The following NUBPL variants were observed in gnomAD, a reference collection of about 807,000 sequenced individuals.
NUBPL encodes the protein iron-sulfur cluster transfer protein NUBPL.
A neutral mutation model predicts 45.7 loss-of-function variants in NUBPL; 31 were observed. The observed-to-expected ratio is 0.68, with a 90% CI of 0.51 to 0.92. The LOEUF is 0.92. Ranked by LOEUF, NUBPL falls within the 40% of genes least tolerant of loss-of-function variation. The probability of loss-of-function intolerance (pLI) is 0.00; values close to 1 mark genes in which losing one functional copy is unlikely to be tolerated. For missense variants in NUBPL, 401 were observed against 398.7 expected (o/e 1.01, Z -0.05); for synonymous variants, 144 against 140.9 (o/e 1.02, Z -0.15).
intron 3 of NUBPL, among the ~76,000 whole-genome samples, chr14:31,571,787 T>A (rs1330630903): frequency 2.6e-5 from 4 of 152,148 alleles, no homozygotes; most frequent in Non-Finnish European, 5.9e-5. Context: ...AGTAACACTG[T>A]TGATTTGTAT....
intron 6 of NUBPL, among the ~76,000 whole-genome samples, chr14:31,734,859 A>G (rs936706783): frequency 9.2e-5 from 14 of 152,198 alleles, no homozygotes; most frequent in Non-Finnish European, 1.6e-4. Context: ...TGAATCCTGT[A>G]TGGTCTTTGT....
At chr14:31,561,765 C>T in intron 1 of NUBPL, 1 of 580,384 alleles carries the variant, frequency 1.7e-6, no homozygotes, top group Non-Finnish European at 3.0e-6. Context: ...GCTTTCTTGG[C>T]TTTGGGTTAT....
chr14:31,677,828 C>T lies in NUBPL; in HGVS notation c.513+4254C>T, dbSNP rs919890726. Among the ~76,000 whole-genome samples the T allele has an allele frequency of 3.3e-5, 5 of 152,296 alleles. No individual in the cohort carries two copies. The South Asian group carries it at 1.0e-3, about 32-fold the overall frequency. On this transcript the variant is annotated intron_variant, in intron 6 of 10. Transcript: ENST00000281081. ...GGCTACTGACTATGTTTGCTCAAGG[C>T]CCTGTAGCTGTACGATCAGCAGGTG...
At chr14:31,809,935 G>C (rs2039767455) in intron 7 of NUBPL, among the ~76,000 whole-genome samples, 1 of 152,200 alleles carries the variant, frequency 6.6e-6, no homozygotes, top group Non-Finnish European at 1.5e-5. Flanking sequence ...TTTTGAGTGA[G>C]TTTCTTAATC....
chr14:31,718,936 C>T (rs898082341), intron 6 of NUBPL, among the ~76,000 whole-genome samples: 1 of 152,094 alleles, frequency 6.6e-6, no homozygotes, highest in Non-Finnish European at 1.5e-5. Context: ...AGAGATGCAT[C>T]TCAATTTATG....
chr14:31,638,456 C>T (rs1028233162), intron 4 of NUBPL, among the ~76,000 whole-genome samples: 19 of 151,874 alleles, frequency 1.3e-4, no homozygotes, highest in African/African-American at 4.6e-4. Flanking sequence ...GCCGAGAGAT[C>T]CGCTGTTAGT....
chr14:31,845,872 C>G (rs1016204533), intron 8 of NUBPL: 4 of 153,512 alleles, frequency 2.6e-5, no homozygotes, highest in African/African-American at 7.2e-5. Flanking sequence ...AAATTGTCAT[C>G]AAAGATAAAT....
intron 6 of NUBPL, among the ~76,000 whole-genome samples, chr14:31,698,924 G>A (rs909598890): frequency 1.3e-5 from 2 of 151,320 alleles, no homozygotes; most frequent in Admixed American, 6.6e-5. Flanking sequence ...GCACGATCTC[G>A]GCTCACTGCA....
Position 31,834,178 on chromosome 14 carries a change from C to CTTTTT in NUBPL, c.693+7481_693+7485dup, listed in dbSNP as rs34255943. Among the ~76,000 whole-genome samples, 494 of 106,982 alleles carry CTTTTT rather than the reference C, an allele frequency of 4.6e-3. 10 individuals carry two copies. Among genetic ancestry groups the CTTTTT allele is most frequent in the African/African-American group, 7.1e-3 (190 of 26,744 alleles). The allele number at this position is 106,982 out of a possible 152,430, so 70.2% of individuals were successfully genotyped here. A position where few individuals can be genotyped will look rare whatever the true frequency, so the allele number is the denominator to read the frequency against. ...GAGACAAGCCTACTGTGGCCTGGAACTTTTTTTTTTTTTTTTTTTTTGAGA... is the reference window on the plus strand; with the variant it reads ...GAGACAAGCCTACTGTGGCCTGGAACTTTTTTTTTTTTTTTTTTTTTTTTTTGAGA... On this transcript the variant is annotated intron_variant, in intron 8 of 10. Coordinates refer to ENST00000281081, the MANE Select transcript of NUBPL (RefSeq NM_025152.3).
intron 6 of NUBPL, among the ~76,000 whole-genome samples, chr14:31,735,788 G>A (rs2038153062): frequency 6.6e-6 from 1 of 152,304 alleles, no homozygotes; most frequent in South Asian, 2.1e-4. Context: ...GCAGGTGGAA[G>A]TTGCAGTTAG....
At chr14:31,592,424 A>G (rs1263115000) in intron 3 of NUBPL, among the ~76,000 whole-genome samples, 1 of 152,164 alleles carries the variant, frequency 6.6e-6, no homozygotes, top group African/African-American at 2.4e-5. Flanking sequence ...TAATAACACA[A>G]TCTGACTTAT....
At chr14:31,741,539 C>A (rs1595567476) in intron 6 of NUBPL, among the ~76,000 whole-genome samples, 1 of 152,114 alleles carries the variant, frequency 6.6e-6, no homozygotes, top group African/African-American at 2.4e-5. Context: ...ATAGCTACTT[C>A]CCCCTTCCTC....
chr14:31,800,554 G>A (rs113528975), intron 7 of NUBPL, among the ~76,000 whole-genome samples: 1,642 of 152,272 alleles, frequency 0.011, 25 homozygotes, highest in African/African-American at 0.038. Context: ...GGGTAGACTT[G>A]CTTGACACAG....
At chr14:31,850,464 T>C (rs1041943352) in intron 10 of NUBPL, among the ~76,000 whole-genome samples, 13 of 152,316 alleles carry the variant, frequency 8.5e-5, no homozygotes, top group Admixed American at 5.9e-4. Context: ...AAAGAGAGTT[T>C]GTAAAATTCT....
intron 4 of NUBPL, among the ~76,000 whole-genome samples, chr14:31,656,485 CT>C (rs1371236442): frequency 6.6e-6 from 1 of 152,072 alleles, no homozygotes; most frequent in African/African-American, 2.4e-5. Context: ...AAACATATAA[CT>C]TTTTATTTCA....
At chr14:31,851,220 C>G (rs8004359) in intron 10 of NUBPL, among the ~76,000 whole-genome samples, 24,660 of 150,718 alleles carry the variant, frequency 0.16, 5,988 homozygotes, top group African/African-American at 0.53. Context: ...CCCAATCAAT[C>G]TTCTAATAGT....
chr14:31,694,478 A>G (rs2037169443), intron 6 of NUBPL, among the ~76,000 whole-genome samples: 1 of 152,156 alleles, frequency 6.6e-6, no homozygotes. Flanking sequence ...TAAAAATGTC[A>G]TTGGGCTTTT....
intron 6 of NUBPL, among the ~76,000 whole-genome samples, chr14:31,716,835 G>C (rs552146351): frequency 1.2e-4 from 18 of 152,184 alleles, no homozygotes; most frequent in Admixed American, 9.8e-4. Flanking sequence ...CAACCACCTA[G>C]CTGCTCAGGC....
At chr14:31,688,779 AC>A (rs1428203750) in intron 6 of NUBPL, among the ~76,000 whole-genome samples, 1 of 150,918 alleles carries the variant, frequency 6.6e-6, no homozygotes, top group African/African-American at 2.4e-5. Flanking sequence ...TAAGCCTAGT[AC>A]CCAATAATTA....
Sources: gnomAD v4.1 joint callset for allele counts (sites outside exome capture counted in the v4.1 genomes callset) on GRCh38, gnomAD v4.1.1 for gene constraint, MANE v1.5 for transcripts, NCBI Gene and HGNC (gene_info 2026-07-23, HGNC 2026-07-21) for gene names.